Variants in VAT1L observed in about 807,000 individuals in gnomAD.
The protein encoded by VAT1L is vesicle amine transport 1 like.
In VAT1L, 34 loss-of-function variants were observed where a neutral mutation model predicts 44.1. The observed-to-expected ratio is 0.77, with a 90% CI of 0.59 to 1.03. The LOEUF is 1.03. Ranked by LOEUF, VAT1L falls within the 50% of genes least tolerant of loss-of-function variation. The probability of loss-of-function intolerance (pLI) is 0.00; values close to 1 mark genes in which losing one functional copy is unlikely to be tolerated. For missense variants in VAT1L, 615 were observed against 538.8 expected, an observed-to-expected ratio of 1.14 and a Z score of -1.40; for synonymous variants, 253 against 202.2, an observed-to-expected ratio of 1.25 and a Z score of -2.13.
intron 3 of VAT1L, among the ~76,000 whole-genome samples, chr16:77,845,744 T>C (rs1052676246): frequency 1.3e-5 from 2 of 152,138 alleles, no homozygotes; most frequent in Admixed American, 1.3e-4. Context: ...AGCTCCCCTT[T>C]TTCCTCTGCC....
chr16:77,900,995 G>A (rs16944083), intron 7 of VAT1L, among the ~76,000 whole-genome samples: 2,302 of 152,112 alleles, frequency 0.015, 43 homozygotes, highest in African/African-American at 0.052. Flanking sequence ...GACAGAGCAA[G>A]GGCGAGGAAG....
At chr16:77,974,329 C>T (rs1233001337) in intron 8 of VAT1L, among the ~76,000 whole-genome samples, 1 of 152,138 alleles carries the variant, frequency 6.6e-6, no homozygotes, top group East Asian at 1.9e-4. Context: ...AGGCTCTAGG[C>T]CCATCCTGGA....
intron 1 of VAT1L, among the ~76,000 whole-genome samples, chr16:77,810,505 A>G (rs1007111429): frequency 2.0e-5 from 3 of 152,206 alleles, no homozygotes; most frequent in African/African-American, 7.2e-5. Context: ...GTTGATTATT[A>G]AGATGATATA....
At chr16:77,935,660 G>C (rs1431176477) in intron 7 of VAT1L, among the ~76,000 whole-genome samples, 1 of 152,052 alleles carries the variant, frequency 6.6e-6, no homozygotes, top group Admixed American at 6.6e-5. Context: ...GAAAATGTGG[G>C]AAAGAGGTTC....
Position 77,903,166 on chromosome 16 carries a change from C to T in VAT1L, c.1077+18364C>T, listed in dbSNP as rs539780682. On this transcript the variant is annotated intron_variant, in intron 7 of 8. Transcript: ENST00000302536. ...AGATCTCATTTAGTAAATTAGAATT[C>T]GCCAAGAAACTTATTCTTACTGAAC... 1.1e-4 allele frequency among the ~76,000 whole-genome samples: 17 copies of T among 152,188 alleles called. No individual in the cohort carries two copies. The South Asian group carries it at 2.5e-3, about 22-fold the overall frequency.
intron 4 of VAT1L, among the ~76,000 whole-genome samples, chr16:77,871,141 A>G (rs1039586697): frequency 6.6e-6 from 1 of 152,158 alleles, no homozygotes; most frequent in African/African-American, 2.4e-5. Flanking sequence ...GTTTGACAGA[A>G]AGAGCAAAAG....
chr16:77,836,980 A>C (rs1245465900), intron 3 of VAT1L, among the ~76,000 whole-genome samples: 1 of 152,214 alleles, frequency 6.6e-6, no homozygotes, highest in African/African-American at 2.4e-5. Context: ...ATTTTAACAG[A>C]GGAAACTGAG....
At chr16:77,821,300 C>CTT (rs753506804) in intron 2 of VAT1L, among the ~76,000 whole-genome samples, 9 of 135,230 alleles carry the variant, frequency 6.7e-5, no homozygotes, top group African/African-American at 1.6e-4. Flanking sequence ...GAAATCTTGT[C>CTT]TTTTTTTTTT....
intron 3 of VAT1L, among the ~76,000 whole-genome samples, chr16:77,854,501 A>T (rs2016838705): frequency 6.6e-6 from 1 of 152,206 alleles, no homozygotes; most frequent in Non-Finnish European, 1.5e-5. Flanking sequence ...ATCTGAAAAA[A>T]ATGTTTCTGA....
At chr16:77,926,820 G>T (rs1402671949) in intron 7 of VAT1L, among the ~76,000 whole-genome samples, 1 of 152,108 alleles carries the variant, frequency 6.6e-6, no homozygotes, top group African/African-American at 2.4e-5. Flanking sequence ...TCCGCTTGCA[G>T]TCTCCCTTGG....
chr16:77,950,845 T>A (rs547810925), intron 7 of VAT1L, among the ~76,000 whole-genome samples: 1 of 152,360 alleles, frequency 6.6e-6, no homozygotes, highest in East Asian at 1.9e-4. Flanking sequence ...CGGCCTTTCC[T>A]ATACAAACTG....
chr16:77,939,978 G>C (rs9932161), intron 7 of VAT1L, among the ~76,000 whole-genome samples: 57,289 of 151,976 alleles, frequency 0.38, 11,141 homozygotes, highest in East Asian at 0.62. Flanking sequence ...TGCAGTAATA[G>C]AAATGAGATC....
chr16:77,971,459 A>T lies in VAT1L; in HGVS notation c.1078-391A>T, dbSNP rs182827288. ...CAACTACGAGTCACAGTTAAATAAC[A>T]TTGAAGTAAGCAGGGCACAAATGAC... On this transcript the variant is annotated intron_variant, in intron 7 of 8. Coordinates refer to ENST00000302536, the MANE Select transcript of VAT1L (RefSeq NM_020927.3). Among the ~76,000 whole-genome samples the T allele has an allele frequency of 8.0e-3, 1,220 of 152,302 alleles. 17 individuals carry two copies. Among genetic ancestry groups the T allele is most frequent in the African/African-American group, 0.027 (1,125 of 41,560 alleles).
At chr16:77,918,478 T>G (rs2017573849) in intron 7 of VAT1L, among the ~76,000 whole-genome samples, 1 of 152,136 alleles carries the variant, frequency 6.6e-6, no homozygotes, top group South Asian at 2.1e-4. Flanking sequence ...ATCCTGCCGT[T>G]AGACTCCTTC....
chr16:77,849,218 G>A (rs1321100674), intron 3 of VAT1L, among the ~76,000 whole-genome samples: 11 of 152,170 alleles, frequency 7.2e-5, no homozygotes, highest in Admixed American at 7.2e-4. Context: ...CACAGTGCAT[G>A]GCACTTAGGT....
intron 7 of VAT1L, among the ~76,000 whole-genome samples, chr16:77,945,553 G>T (rs1263971030): frequency 6.6e-6 from 1 of 151,660 alleles, no homozygotes; most frequent in Non-Finnish European, 1.5e-5. Context: ...GCCTCCTAAA[G>T]CACTGGGATT....
intron 7 of VAT1L, chr16:77,892,834 T>G (rs2017282205): frequency 2.3e-6 from 2 of 863,156 alleles, no homozygotes; most frequent in African/African-American, 1.6e-5. Flanking sequence ...GCATGAATAT[T>G]GTGGAGGCCA....
intron 7 of VAT1L, among the ~76,000 whole-genome samples, chr16:77,928,588 AG>A (rs558211583): frequency 2.9e-4 from 44 of 152,306 alleles, no homozygotes; most frequent in Non-Finnish European, 4.9e-4. Flanking sequence ...AGGCATTTGT[AG>A]CCCTCCCCTT....
chr16:77,941,478 T>C (rs1322959332), intron 7 of VAT1L, among the ~76,000 whole-genome samples: 1 of 152,216 alleles, frequency 6.6e-6, no homozygotes, highest in Non-Finnish European at 1.5e-5. Context: ...ACAATGAACA[T>C]ATGCATGCAT....
Sources: allele counts gnomAD v4.1 joint callset (sites outside exome capture counted in the v4.1 genomes callset), GRCh38; gene constraint gnomAD v4.1.1; transcripts MANE v1.5; gene names NCBI Gene and HGNC (gene_info 2026-07-23, HGNC 2026-07-21).